SLC35F1: variants seen among roughly 807,000 people sequenced by gnomAD.
SLC35F1 encodes solute carrier family 35 member F1.
Under a neutral mutation model 48.7 loss-of-function variants are expected in SLC35F1, and 14 were observed. The observed-to-expected ratio is 0.29, with a 90% confidence interval of 0.19 to 0.45. The LOEUF is 0.45. Ranked by LOEUF, SLC35F1 falls within the 20% of genes least tolerant of loss-of-function variation. The pLI is 1.00. For missense variants in SLC35F1, 404 were observed against 500.0 expected (o/e 0.81, Z 1.83); for synonymous variants, 190 against 202.2 (o/e 0.94, Z 0.51).
chr6:118,011,483 C>T (rs1465300419), intron 1 of SLC35F1, among the ~76,000 whole-genome samples: 1 of 152,218 alleles, frequency 6.6e-6, no homozygotes, highest in Non-Finnish European at 1.5e-5. Context: ...GGGAAGTCTG[C>T]CTCCATGATC....
chr6:118,002,509 G>A (rs2114868888), intron 1 of SLC35F1, among the ~76,000 whole-genome samples: 1 of 151,848 alleles, frequency 6.6e-6, no homozygotes, highest in Non-Finnish European at 1.5e-5. Flanking sequence ...TAAATGACGA[G>A]TTAATGGGTG....
In SLC35F1 at chr6:118,126,981, C is replaced by T. The variant is rs977585910; in HGVS notation, c.174-27464C>T. On this transcript the variant is annotated intron_variant, in intron 1 of 7. Transcript: ENST00000360388. ...ATTGAATACTCTTTATTTCCTTCTC[C>T]TGCCTAATTGCCCTGGCCAGAACTT... Among the ~76,000 whole-genome samples, 18 of 151,948 alleles carry T rather than the reference C, an allele frequency of 1.2e-4. 1 individual carries two copies. The highest frequency in any genetic ancestry group is 8.5e-4 in the Admixed American group (13 of 15,256).
chr6:118,030,218 T>A (rs1300618195), intron 1 of SLC35F1, among the ~76,000 whole-genome samples: 1 of 152,194 alleles, frequency 6.6e-6, no homozygotes, highest in Non-Finnish European at 1.5e-5. Flanking sequence ...AAGGCTGAAC[T>A]GGGAGTGGGA....
chr6:118,289,416 G>T (rs921526150), intron 7 of SLC35F1, among the ~76,000 whole-genome samples: 46 of 152,268 alleles, frequency 3.0e-4, no homozygotes, highest in Non-Finnish European at 5.3e-4. Flanking sequence ...ATAAGAAACT[G>T]CCAAACTATT....
intron 7 of SLC35F1, among the ~76,000 whole-genome samples, chr6:118,305,180 A>C (rs1279960969): frequency 6.6e-6 from 1 of 150,652 alleles, no homozygotes; most frequent in Non-Finnish European, 1.5e-5. Context: ...AGGAAGACCC[A>C]GCGGGATAGA....
At chr6:118,072,419 C>G (rs1480155520) in intron 1 of SLC35F1, among the ~76,000 whole-genome samples, 1 of 151,992 alleles carries the variant, frequency 6.6e-6, no homozygotes. Context: ...AAAAAATTAG[C>G]CAGGCGTGGT....
intron 1 of SLC35F1, among the ~76,000 whole-genome samples, chr6:117,948,829 C>T (rs75012877): frequency 9.9e-5 from 15 of 151,930 alleles, no homozygotes; most frequent in Non-Finnish European, 1.9e-4. Context: ...GAGTACTTCA[C>T]GCAAGAGATA....
chr6:117,920,211 G>C (rs1245578142), intron 1 of SLC35F1, among the ~76,000 whole-genome samples: 2 of 152,200 alleles, frequency 1.3e-5, no homozygotes, highest in African/African-American at 2.4e-5. Context: ...GCGGGTGGAC[G>C]GGGAGGGCGT....
At chr6:117,961,996 T>A (rs574343578) in intron 1 of SLC35F1, among the ~76,000 whole-genome samples, 1 of 152,244 alleles carries the variant, frequency 6.6e-6, no homozygotes, top group South Asian at 2.1e-4. Context: ...TTGTTATTCA[T>A]GTGTGTGAGG....
At chr6:118,228,566 C>G (rs1775248810) in intron 2 of SLC35F1, among the ~76,000 whole-genome samples, 2 of 151,810 alleles carry the variant, frequency 1.3e-5, no homozygotes, top group South Asian at 4.2e-4. Context: ...TGGTGGCGTG[C>G]ATCTGTAGTC....
At chr6:118,103,638 C>T (rs1424965471) in intron 1 of SLC35F1, among the ~76,000 whole-genome samples, 2 of 152,216 alleles carry the variant, frequency 1.3e-5, no homozygotes, top group Non-Finnish European at 2.9e-5. Context: ...AGTGTGTTTG[C>T]TGGTCTATGA....
intron 1 of SLC35F1, among the ~76,000 whole-genome samples, chr6:118,119,100 A>G (rs1345645326): frequency 6.6e-6 from 1 of 152,170 alleles, no homozygotes; most frequent in Non-Finnish European, 1.5e-5. Flanking sequence ...TCAAAGCACA[A>G]AGTGGCTTAA....
rs74994461 is a variant in SLC35F1, at chr6:118,299,332, G to A, written c.1002+13994G>A. ...TTCCAAGGGCAGGCAGAATGGCAGCGTTGTCATGAGTTGTTACAGCCCAGC... is the reference window on the plus strand; with the variant it reads ...TTCCAAGGGCAGGCAGAATGGCAGCATTGTCATGAGTTGTTACAGCCCAGC... On this transcript the variant is annotated intron_variant, in intron 7 of 7. Coordinates refer to ENST00000360388, the MANE Select transcript of SLC35F1 (RefSeq NM_001029858.4). Among the ~76,000 whole-genome samples, 611 of 152,244 alleles carry A rather than the reference G, an allele frequency of 4.0e-3. 4 individuals carry two copies. Among genetic ancestry groups the A allele is most frequent in the Middle Eastern group, 0.017 (5 of 294 alleles).
chr6:118,235,020 C>A (rs1370553483), intron 2 of SLC35F1, among the ~76,000 whole-genome samples: 1 of 152,148 alleles, frequency 6.6e-6, no homozygotes, highest in Non-Finnish European at 1.5e-5. Flanking sequence ...AGAGTGCATG[C>A]AACATTCAAA....
chr6:118,129,743 T>C (rs1773682843), intron 1 of SLC35F1, among the ~76,000 whole-genome samples: 4 of 152,160 alleles, frequency 2.6e-5, no homozygotes, highest in South Asian at 4.1e-4. Context: ...TTTTTGATGA[T>C]AAATATGAAT....
At chr6:118,218,060 G>T (rs1026294099) in intron 2 of SLC35F1, among the ~76,000 whole-genome samples, 6 of 152,154 alleles carry the variant, frequency 3.9e-5, no homozygotes, top group Non-Finnish European at 7.4e-5. Context: ...TAGAATGCAA[G>T]TCTTGGGATT....
At chr6:118,164,519 C>G (rs982087359) in intron 2 of SLC35F1, among the ~76,000 whole-genome samples, 1 of 152,106 alleles carries the variant, frequency 6.6e-6, no homozygotes, top group Non-Finnish European at 1.5e-5. Context: ...TTTGTCTGTG[C>G]TGTATTTCAT....
At chr6:117,927,595 C>T (rs1300143884) in intron 1 of SLC35F1, among the ~76,000 whole-genome samples, 2 of 152,190 alleles carry the variant, frequency 1.3e-5, no homozygotes, top group Non-Finnish European at 2.9e-5. Flanking sequence ...TCTGCAGAGA[C>T]ACACCTGGAA....
chr6:118,022,145 A>G (rs962466665), intron 1 of SLC35F1, among the ~76,000 whole-genome samples: 10 of 152,242 alleles, frequency 6.6e-5, no homozygotes, highest in Non-Finnish European at 1.0e-4. Flanking sequence ...GCAACTAAAA[A>G]AAGTTTGCAG....
Sources: gnomAD v4.1 joint callset for allele counts (sites outside exome capture counted in the v4.1 genomes callset) on GRCh38, gnomAD v4.1.1 for gene constraint, MANE v1.5 for transcripts, NCBI Gene and HGNC (gene_info 2026-07-23, HGNC 2026-07-21) for gene names.